Variants in PRELID2 observed in about 807,000 individuals in gnomAD.
PRELID2 encodes PRELI domain containing 2.
A neutral mutation model predicts 28.4 loss-of-function variants in PRELID2; 25 were observed. The observed-to-expected ratio is 0.88, with a 90% CI of 0.64 to 1.23. The LOEUF is 1.23. Ranked by LOEUF, PRELID2 falls within the 50% of genes most tolerant of loss-of-function variation. The probability of loss-of-function intolerance (pLI) is 0.00; values close to 1 mark genes in which losing one functional copy is unlikely to be tolerated. For synonymous variants in PRELID2, 76 were observed against 71.6 expected (o/e 1.06, Z -0.31); for missense variants, 201 against 214.4 (o/e 0.94, Z 0.39).
At chr5:145,242,028 GT>G in the PRELID2 span, among the ~76,000 whole-genome samples, 2 of 151,870 alleles carry the variant, frequency 1.3e-5, no homozygotes, top group Non-Finnish European at 2.9e-5. Context: ...TATTTCCCAA[GT>G]TTTCCCCTTG....
rs115432976 is a variant in PRELID2, at chr5:145,783,816, T to C, written c.474+12626A>G. 6.2e-3 allele frequency among the ~76,000 whole-genome samples: 945 copies of C among 152,362 alleles called. 12 individuals carry two copies. The highest frequency in any genetic ancestry group is 0.022 in the African/African-American group (915 of 41,582). Reference sequence around the variant, plus strand: ...ACACTTGTGACTTCTCCTTATTCTTTTGAACGACGGTTTTATGCTCTTTTC... The same window carrying C: ...ACACTTGTGACTTCTCCTTATTCTTCTGAACGACGGTTTTATGCTCTTTTC... On this transcript the variant is annotated intron_variant, in intron 5 of 6. Transcript: ENST00000683046.
the PRELID2 span, among the ~76,000 whole-genome samples, chr5:145,260,943 C>A: frequency 2.0e-5 from 3 of 152,202 alleles, no homozygotes; most frequent in Non-Finnish European, 4.4e-5. Context: ...TCACTGGCTG[C>A]CTGGAAATAA....
intron 1 of PRELID2, chr5:145,729,162 T>C: frequency 1.6e-6 from 1 of 639,760 alleles, no homozygotes; most frequent in Admixed American, 2.3e-5. Flanking sequence ...TTTTGTCAAG[T>C]CCTTCAAAGT....
At position 145,768,783 on chromosome 5, in the gene PRELID2, A is replaced by G. The variant is rs144561063; in HGVS notation, c.475-3783T>C. 1.7e-3 allele frequency among the ~76,000 whole-genome samples: 266 copies of G among 152,308 alleles called. 1 individual carries two copies. Among genetic ancestry groups the G allele is most frequent in the East Asian group, 0.016 (85 of 5,182 alleles). On this transcript the variant is annotated intron_variant, in intron 5 of 6. Coordinates refer to ENST00000683046, the MANE Select transcript of PRELID2 (RefSeq NM_205846.3). The stretch of plus-strand genomic sequence containing the variant: ...TTTTCCTTGGGAATTGAAAGACGTT[A>G]TTTATTGAATCAATTAAGTTCACAG...
chr5:145,616,338 C>T lies in PRELID2; in HGVS notation n.71-143023G>A, dbSNP rs139610436. Reference sequence around the variant, plus strand: ...CAATTATTCCCCTAAATATGTTTTCCGAACTTTTAGATTGCTCTTCTGCCT... The same window carrying T: ...CAATTATTCCCCTAAATATGTTTTCTGAACTTTTAGATTGCTCTTCTGCCT... On this transcript the variant is annotated intron_variant and non_coding_transcript_variant, in intron 1 of 2. Coordinates refer to the PRELID2 transcript ENST00000510259. Among the ~76,000 whole-genome samples the T allele has an allele frequency of 4.6e-3, 703 of 152,210 alleles. 5 individuals are homozygous for T. The highest frequency in any genetic ancestry group is 7.7e-3 in the Non-Finnish European group (521 of 68,004).
chr5:145,782,750 C>G (rs867703207), intron 5 of PRELID2, among the ~76,000 whole-genome samples: 1 of 152,104 alleles, frequency 6.6e-6, no homozygotes, highest in South Asian at 2.1e-4. Flanking sequence ...TTTGAATTAC[C>G]TCTGATGCTC....
chr5:145,793,234 G>C (rs1041108496), intron 5 of PRELID2, among the ~76,000 whole-genome samples: 1 of 152,188 alleles, frequency 6.6e-6, no homozygotes, highest in Non-Finnish European at 1.5e-5. Context: ...TATGACCTCA[G>C]CTTGGGGATC....
At chr5:145,634,396 A>G (rs895736417) in intron 1 of PRELID2, among the ~76,000 whole-genome samples, 4 of 152,134 alleles carry the variant, frequency 2.6e-5, no homozygotes, top group Non-Finnish European at 4.4e-5. Flanking sequence ...TTGTCCCTCC[A>G]AACACCTCGC....
chr5:145,815,186 G>T (rs895455635), intron 4 of PRELID2, among the ~76,000 whole-genome samples: 1 of 152,198 alleles, frequency 6.6e-6, no homozygotes, highest in African/African-American at 2.4e-5. Flanking sequence ...AGGCAATGAT[G>T]AGGAGGCAGC....
chr5:145,357,585 C>T, the PRELID2 span, among the ~76,000 whole-genome samples: 1 of 152,140 alleles, frequency 6.6e-6, no homozygotes, highest in Admixed American at 6.6e-5. Flanking sequence ...AGTTTCTTAG[C>T]TCTGTCTATT....
intron 1 of PRELID2, among the ~76,000 whole-genome samples, chr5:145,566,428 C>T (rs1752968089): frequency 6.6e-6 from 1 of 151,790 alleles, no homozygotes. Context: ...TTTATATACA[C>T]CTCTGAGAAG....
At chr5:145,502,102 T>G (rs1428813730) in intron 1 of PRELID2, among the ~76,000 whole-genome samples, 2 of 152,012 alleles carry the variant, frequency 1.3e-5, no homozygotes, top group Non-Finnish European at 2.9e-5. Context: ...GAAAAGAGGT[T>G]TAATTGGCTC....
At chr5:145,601,829 G>C (rs948572243) in intron 1 of PRELID2, among the ~76,000 whole-genome samples, 3 of 152,168 alleles carry the variant, frequency 2.0e-5, no homozygotes, top group African/African-American at 7.2e-5. Context: ...AATTAGGGTA[G>C]TGAGGAAGTT....
intron 1 of PRELID2, among the ~76,000 whole-genome samples, chr5:145,686,118 C>T (rs1478748433): frequency 6.6e-6 from 1 of 152,132 alleles, no homozygotes; most frequent in Non-Finnish European, 1.5e-5. Context: ...GAGGAAATTA[C>T]ACATGTAAAC....
At chr5:145,570,091 G>A (rs527547953) in intron 1 of PRELID2, among the ~76,000 whole-genome samples, 84 of 152,222 alleles carry the variant, frequency 5.5e-4, no homozygotes, top group Non-Finnish European at 9.4e-4. Flanking sequence ...CTGCCTTCAT[G>A]TTCATATGGT....
chr5:145,431,682 G>A, the PRELID2 span, among the ~76,000 whole-genome samples: 61 of 152,188 alleles, frequency 4.0e-4, no homozygotes, highest in African/African-American at 1.3e-3. Flanking sequence ...ATTAAGAAAC[G>A]TTCTACAAAA....
At chr5:145,229,691 T>C in the PRELID2 span, 1 of 763,074 alleles carries the variant, frequency 1.3e-6, no homozygotes, top group Non-Finnish European at 2.4e-6. Context: ...TCCTTTACCA[T>C]GCTCATTTAG....
chr5:145,824,425 C>CGTGTGTGTGTGT lies in PRELID2; in HGVS notation c.76-1303_76-1292dup, dbSNP rs369429281. 6.5e-3 allele frequency among the ~76,000 whole-genome samples: 629 copies of CGTGTGTGTGTGT among 96,240 alleles called. 7 individuals are homozygous for CGTGTGTGTGTGT. The highest frequency in any genetic ancestry group is 0.014 in the African/African-American group (455 of 32,930). The allele number at this position is 96,240 out of a possible 152,430, so 63.1% of individuals were successfully genotyped here. ...ACTGTGGGTCTCCACCCACAGCAGG[C>CGTGTGTGTGTGT]GTGTGTGTGTGTGTGTGTGTGTGTG... is the stretch of plus-strand genomic sequence containing the variant. On this transcript the variant is annotated intron_variant, in intron 1 of 6. Coordinates refer to ENST00000683046, the MANE Select transcript of PRELID2 (RefSeq NM_205846.3).
chr5:145,480,213 T>C (rs1247388462), intron 1 of PRELID2, among the ~76,000 whole-genome samples: 1 of 152,204 alleles, frequency 6.6e-6, no homozygotes, highest in Non-Finnish European at 1.5e-5. Flanking sequence ...AAGCATCTAA[T>C]GACTTACTGG....
Sources: gnomAD v4.1 joint callset for allele counts (sites outside exome capture counted in the v4.1 genomes callset) on GRCh38, gnomAD v4.1.1 for gene constraint, MANE v1.5 for transcripts, NCBI Gene and HGNC (gene_info 2026-07-23, HGNC 2026-07-21) for gene names.